The following NUP85 variants were observed in gnomAD, a reference collection of about 807,000 sequenced individuals.
The protein encoded by NUP85 is nucleoporin 85, also known as nuclear pore complex protein Nup85.
NUP85 carries 23 observed loss-of-function variants against 92.8 expected under a neutral mutation model. The observed-to-expected ratio is 0.25, with a 90% CI of 0.18 to 0.35. The LOEUF (loss-of-function observed/expected upper bound fraction) is 0.35, where lower values mean the gene tolerates loss of function less well. Ranked by LOEUF, NUP85 falls within the 10% of genes least tolerant of loss-of-function variation. The probability of loss-of-function intolerance (pLI) is 1.00; values close to 1 mark genes in which losing one functional copy is unlikely to be tolerated. For missense variants in NUP85, 759 were observed against 822.8 expected (o/e 0.92, Z 0.95); for synonymous variants, 314 against 306.9 (o/e 1.02, Z -0.24).
intron 7 of NUP85, among the ~76,000 whole-genome samples, chr17:75,218,593 T>TTTTG (rs2078610273): frequency 7.4e-6 from 1 of 135,766 alleles, no homozygotes; most frequent in Admixed American, 7.5e-5. Flanking sequence ...AAACCGTTTT[T>TTTTG]TTTTTTTTTT....
chr17:75,213,066 G>GT lies in NUP85; in HGVS notation c.362-6dup. The GT allele has an allele frequency of 6.2e-7, 1 of 1,611,716 alleles. No individual in the cohort carries two copies. The highest frequency in any genetic ancestry group is 8.5e-7 in the Non-Finnish European group (1 of 1,178,922). On this transcript the variant is annotated splice_polypyrimidine_tract_variant and intron_variant, in intron 4 of 18. Coordinates refer to ENST00000245544, the MANE Select transcript of NUP85 (RefSeq NM_024844.5). ...CCATTGCTCACTTAAAATGTTTTGT[G>GT]TTTTGTTAGTTGCTGCTAAAGATCC...
chr17:75,216,269 CTT>C (rs531716640), intron 6 of NUP85: 59 of 148,030 alleles, frequency 4.0e-4, no homozygotes, highest in South Asian at 1.2e-3. Context: ...TTCTGTTGAT[CTT>C]TTTTTTTTTT....
intron 11 of NUP85, among the ~76,000 whole-genome samples, chr17:75,227,367 C>T (rs1400803162): frequency 2.4e-5 from 3 of 123,054 alleles, no homozygotes; most frequent in African/African-American, 6.3e-5. Context: ...CAGAGTTTTG[C>T]TCTTGTCACC....
Position 75,231,790 on chromosome 17 carries a change from GGCA to G in NUP85, c.1245-34_1245-32del, listed in dbSNP as rs2076071407. ...TAGGTGCCAGTCCTCGGAGCCATGA[GGCA>G]GCACCTCATGTCTGTCCTCCTCGAA... On this transcript the variant is annotated intron_variant, in intron 13 of 18. Coordinates refer to ENST00000245544, the MANE Select transcript of NUP85 (RefSeq NM_024844.5). This position sits in a 1 kb window ranked among gnomAD's most constrained non-coding sequence, Gnocchi z 4.6. 6.2e-7 allele frequency: 1 copy of G among 1,612,388 alleles called. No homozygotes were observed. Among genetic ancestry groups the G allele is most frequent in the Non-Finnish European group, 8.5e-7 (1 of 1,179,044 alleles).
intron 3 of NUP85, 120 bp downstream of exon 3, chr17:75,210,105 C>A: frequency 2.1e-6 from 2 of 939,752 alleles, no homozygotes; most frequent in Non-Finnish European, 3.2e-6. Context: ...ACTCCTGGTT[C>A]TAGTTGAGGC....
At chr17:75,207,858 C>T (rs950725704) in intron 1 of NUP85, among the ~76,000 whole-genome samples, 26 of 151,882 alleles carry the variant, frequency 1.7e-4, no homozygotes, top group Admixed American at 3.3e-4. Flanking sequence ...GGTTTGGTGG[C>T]GCGTGCCTGT....
chr17:75,226,219 G>C (rs139275757), intron 11 of NUP85, 62 bp downstream of exon 11: 12 of 1,382,508 alleles, frequency 8.7e-6, no homozygotes, highest in African/African-American at 1.4e-5. Flanking sequence ...ACCACCTTGC[G>C]TTTCTAGAGT....
At chr17:75,229,092 C>G in intron 11 of NUP85, 1 of 985,462 alleles carries the variant, frequency 1.0e-6, no homozygotes, top group Non-Finnish European at 1.2e-6. Flanking sequence ...CGGCAGTTTC[C>G]TGGTGCCCTT....
chr17:75,218,878 G>C (rs1353289331), intron 7 of NUP85, among the ~76,000 whole-genome samples: 1 of 152,146 alleles, frequency 6.6e-6, no homozygotes, highest in Non-Finnish European at 1.5e-5. Flanking sequence ...CTCTCAAGTA[G>C]CTGGGACCAC....
At position 75,232,888 on chromosome 17, in the gene NUP85, C is replaced by A; in HGVS notation, c.1434C>A (p.Val478=). 6.2e-7 allele frequency: 1 copy of A among 1,614,230 alleles called. No individual in the cohort carries two copies. Among genetic ancestry groups the A allele is most frequent in the Non-Finnish European group, 8.5e-7 (1 of 1,180,038 alleles). The change falls in exon 15 of 19, where the codon GTC becomes GTA. Residue 478 remains valine, a synonymous_variant. Transcript: ENST00000245544. The stretch of plus-strand genomic sequence containing the variant: ...GTAAGATCTTAGCCATGAAAGCCGT[C>A]CGCAACAATCGCCTGGGTTCTGCCC... ...SICKILAMKA[V]RNNRLGSALS...
chr17:75,225,730 G>A lies in NUP85; in HGVS notation c.888G>A (p.Glu296=), dbSNP rs1598312859. The change falls in exon 10 of 19, where the codon GAG becomes GAA. Residue 296 remains glutamate, a synonymous_variant. Transcript: ENST00000245544. ...TGGGAGACGAAGCTGCCTTGTTAGA[G>A]CAGAAGGAACTTCTGAGTAATTGGT... ...IMLGDEAALL[E]QKELLSNWYH... is the part of the protein sequence containing the mutation. 6.2e-7 allele frequency: 1 copy of A among 1,614,050 alleles called. No individual in the cohort carries two copies. The highest frequency in any genetic ancestry group is 1.3e-5 in the African/African-American group (1 of 74,926).
At chr17:75,207,837 A>G (rs2075131805) in intron 1 of NUP85, among the ~76,000 whole-genome samples, 1 of 151,982 alleles carries the variant, frequency 6.6e-6, no homozygotes, top group Non-Finnish European at 1.5e-5. Context: ...AAAAAATACA[A>G]AAATTAGCCT....
At chr17:75,235,025 C>A in intron 17 of NUP85, 75 bp from the exon 18 acceptor site, 1 of 1,254,774 alleles carries the variant, frequency 8.0e-7, no homozygotes, top group Non-Finnish European at 1.2e-6. Context: ...GAAGAACGTC[C>A]GAACATGGGC....
At chr17:75,206,764 C>T (rs1338225146) in intron 1 of NUP85, among the ~76,000 whole-genome samples, 1 of 152,122 alleles carries the variant, frequency 6.6e-6, no homozygotes. Flanking sequence ...GTGGCGCGGT[C>T]TCGGCTCACT....
chr17:75,218,785 G>A (rs2075512165), intron 7 of NUP85, among the ~76,000 whole-genome samples: 1 of 151,848 alleles, frequency 6.6e-6, no homozygotes, highest in South Asian at 2.1e-4. Flanking sequence ...AAGATAGTCC[G>A]ACTCTGTTCC....
In NUP85 at chr17:75,231,247, A is replaced by T; in HGVS notation, c.1095-93A>T. ...ACGCCCGGCCCCATCTCTTTGAGGG[A>T]CAGGACATGTGGGGTTTCTTGCTCA... On this transcript the variant is annotated intron_variant, in intron 11 of 18. Transcript: ENST00000245544. This position sits in a 1 kb window ranked among gnomAD's most constrained non-coding sequence, Gnocchi z 4.6. The T allele has an allele frequency of 8.4e-7, 1 of 1,190,858 alleles. No individual in the cohort carries two copies. The highest frequency in any genetic ancestry group is 1.2e-6 in the Non-Finnish European group (1 of 802,958). 73.8% of individuals were successfully genotyped at this position (1,190,858 alleles called of 1,614,324 possible).
chr17:75,232,790 G>A (rs1031994534), intron 14 of NUP85, 61 bp from the exon 15 acceptor site: 8 of 1,480,644 alleles, frequency 5.4e-6, no homozygotes, highest in Middle Eastern at 1.7e-4. Context: ...TCCCCACAGG[G>A]CTCAGGAATG....
At chr17:75,228,713 CT>C (rs1385408305) in intron 11 of NUP85, 2 of 984,898 alleles carry the variant, frequency 2.0e-6, no homozygotes, top group Non-Finnish European at 2.4e-6. Context: ...AGGTTTCTTT[CT>C]TTTTTTTCCT....
chr17:75,212,300 G>C (rs2075300632), intron 4 of NUP85, among the ~76,000 whole-genome samples: 1 of 100,440 alleles, frequency 1.0e-5, no homozygotes, highest in Non-Finnish European at 1.8e-5. Context: ...ACCGAGTGTT[G>C]CTCTGTCGCC....
Sources: gnomAD v4.1 joint callset for allele counts (sites outside exome capture counted in the v4.1 genomes callset) on GRCh38, gnomAD v4.1.1 for gene constraint, Gnocchi (gnomAD v3.1) non-coding constraint, MANE v1.5 for transcripts, NCBI Gene and HGNC (gene_info 2026-07-23, HGNC 2026-07-21) for gene names.